SULT1A3: variants seen among roughly 807,000 people sequenced by gnomAD.
The protein encoded by SULT1A3 is sulfotransferase family 1A member 3.
For synonymous variants in SULT1A3, 4 were observed against 29.3 expected (o/e 0.14, Z 2.79); for missense variants, 11 against 62.7 (o/e 0.18, Z 2.78).
intron 4 of SULT1A3, among the ~76,000 whole-genome samples, chr16:30,201,625 G>T (rs1227477057): frequency 6.6e-6 from 1 of 152,036 alleles, no homozygotes; most frequent in Non-Finnish European, 1.5e-5. Context: ...CAGGAAGGGG[G>T]GCTCAGGTGC....
intron 4 of SULT1A3, chr16:30,201,995 CT>C (rs1204376251): frequency 0.026 from 1,517 of 57,740 alleles, no homozygotes; most frequent in South Asian, 0.083. Flanking sequence ...GCGCCTGGCC[CT>C]TTTTTTTTTT....
Position 30,200,739 on chromosome 16 carries a change from T to G in SULT1A3, c.11T>G (p.Ile4Ser). The G allele has an allele frequency of 7.5e-7, 1 of 1,339,266 alleles. No homozygotes were observed. The highest frequency in any genetic ancestry group is 2.7e-5 in the African/African-American group (1 of 36,890). 83.0% of individuals were successfully genotyped at this position (1,339,266 alleles called of 1,614,324 possible). A position where few individuals can be genotyped will look rare whatever the true frequency, so the allele number is the denominator to read the frequency against. Reference protein sequence around the residue: MELIQDTSRPPLEY... With the variant: MELSQDTSRPPLEY... ...CCCTGATGCAGGAACATGGAGCTGA[T>G]CCAGGACACCTCCCGCCCGCCACTG... The change falls in exon 2 of 8, where the codon ATC becomes AGC. Residue 4 changes from isoleucine (I) to serine (S), a missense_variant. Ile to Ser is a moderately radical substitution (Grantham distance 142, BLOSUM62 -2). Coordinates refer to ENST00000338971, the MANE Select transcript of SULT1A3 (RefSeq NM_177552.4).
At chr16:30,201,442 G>A (rs1410727911) in intron 4 of SULT1A3, 149 bp downstream of exon 4, 18 of 136,888 alleles carry the variant, frequency 1.3e-4, no homozygotes, top group Non-Finnish European at 2.3e-4. Context: ...TAACAACCTG[G>A]TATGGTGGCA....
At chr16:30,200,534 T>TGC (rs2073432982) in intron 1 of SULT1A3, 191 bp from the exon 2 acceptor site, 1 of 126,980 alleles carries the variant, frequency 7.9e-6, no homozygotes, top group Non-Finnish European at 1.3e-5. Context: ...CTACTTGGGA[T>TGC]GCCGAGGCGG....
intron 4 of SULT1A3, among the ~76,000 whole-genome samples, chr16:30,201,620 A>G (rs571332999): frequency 1.7e-3 from 255 of 150,956 alleles, no homozygotes; most frequent in African/African-American, 6.1e-3. Flanking sequence ...AAAGCCAGGA[A>G]GGGGGGCTCA....
intron 1 of SULT1A3, 43 bp from the exon 2 acceptor site, chr16:30,200,682 G>A (rs2073435271): frequency 7.2e-7 from 1 of 1,386,990 alleles, no homozygotes; most frequent in African/African-American, 2.0e-5. Context: ...TTGCTGTTGT[G>A]ATGGTGGTAA....
At position 30,200,847 on chromosome 16, in the gene SULT1A3, AC is replaced by A; in HGVS notation, c.121del (p.Leu41CysfsTer14). 1.3e-6 allele frequency: 1 copy of A among 762,842 alleles called. No homozygotes were observed. Among genetic ancestry groups the A allele is most frequent in the Non-Finnish European group, 1.8e-6 (1 of 566,222 alleles). The allele number at this position is 762,842 out of a possible 1,614,324, so 47.3% of individuals were successfully genotyped here. On this transcript the variant is annotated frameshift_variant, in exon 2 of 8. Coordinates refer to ENST00000338971, the MANE Select transcript of SULT1A3 (RefSeq NM_177552.4). LOFTEE classifies it high-confidence loss of function. ...PLQSFQARPD[D>X]LLINTYPKSG... is the part of the protein sequence containing the mutation. ...CAGAGCTTCCAAGCCCGACCTGATG[AC>A]CTGCTCATCAACACCTACCCCAAGT... is the stretch of plus-strand genomic sequence containing the variant.
Position 30,201,276 on chromosome 16 carries a change from T to C in SULT1A3, c.355T>C (p.Leu119=). The part of the protein sequence containing the change: ...LPLALLPQTL[L]DQKVKVVYVA... ...CCTGGCTCTGCTCCCTCAGACTCTG[T>C]TGGATCAGAAGGTCAAGGTGAGGCC... Residue 119 remains leucine, a synonymous_variant, in exon 4 of 8, where the codon TTG becomes CTG. Transcript: ENST00000338971. 2 of 418,172 alleles carry C rather than the reference T, an allele frequency of 4.8e-6. No individual in the cohort carries two copies. Among genetic ancestry groups the C allele is most frequent in the Non-Finnish European group, 8.3e-6 (2 of 239,998 alleles). The allele number at this position is 418,172 out of a possible 1,614,324, so 25.9% of individuals were successfully genotyped here.
intron 4 of SULT1A3, among the ~76,000 whole-genome samples, chr16:30,201,629 CA>C: frequency 6.6e-6 from 1 of 151,998 alleles, no homozygotes; most frequent in Non-Finnish European, 1.5e-5. Context: ...AAGGGGGGCT[CA>C]GGTGCCCTCT....
chr16:30,201,946 C>T (rs1243670867), intron 4 of SULT1A3: 1 of 94,470 alleles, frequency 1.1e-5, no homozygotes, highest in African/African-American at 3.6e-5. Context: ...CCTCCTGCCT[C>T]GACCTCACAA....
At chr16:30,200,609 A>C in intron 1 of SULT1A3, 116 bp from the exon 2 acceptor site, 2 of 1,364,842 alleles carry the variant, frequency 1.5e-6, no homozygotes, top group African/African-American at 2.1e-5. Context: ...ACTGCACTCC[A>C]GCTTGGGTGA....
In SULT1A3 at chr16:30,203,530, T is replaced by C; in HGVS notation, c.620T>C (p.Ile207Thr). ...KENPKREIQK[I>T]LEFVGRSLPE... ...AACCCCAAAAGGGAGATTCAAAAGA[T>C]CCTGGAGTTTGTGGGGCGCTCCCTG... Residue 207 changes from isoleucine (I) to threonine (T), a missense_variant, in exon 7 of 8, where the codon ATC becomes ACC. Coordinates refer to ENST00000338971, the MANE Select transcript of SULT1A3 (RefSeq NM_177552.4). 5.5e-5 allele frequency: 1 copy of C among 18,274 alleles called. No individual in the cohort carries two copies. The highest frequency in any genetic ancestry group is 1.1e-4 in the Non-Finnish European group (1 of 8,940). The allele number at this position is 18,274 out of a possible 1,614,324, so 1.1% of individuals were successfully genotyped here. A position where few individuals can be genotyped will look rare whatever the true frequency, so the allele number is the denominator to read the frequency against.
rs2073451404 is a variant in SULT1A3, at chr16:30,203,905, C to A, written c.873C>A (p.Phe291Leu). ...AGATGGCAGGCTGCAGCCTCAGCTT[C>A]CGCTCTGAGCTGTGAGAGGGGCTCC... ...AEKMAGCSLSFRSEL is the reference protein window; with the variant it reads ...AEKMAGCSLSLRSEL The change falls in exon 8 of 8, where the codon TTC becomes TTA. Residue 291 changes from phenylalanine to leucine, a missense_variant. Phe to Leu is a conservative substitution (Grantham distance 22). Coordinates refer to ENST00000338971, the MANE Select transcript of SULT1A3 (RefSeq NM_177552.4). 1 of 295,028 alleles carries A rather than the reference C, an allele frequency of 3.4e-6. No individual in the cohort carries two copies. The highest frequency in any genetic ancestry group is 6.2e-6 in the Non-Finnish European group (1 of 162,356). 18.3% of individuals were successfully genotyped at this position (295,028 alleles called of 1,614,324 possible). A position where few individuals can be genotyped will look rare whatever the true frequency, so the allele number is the denominator to read the frequency against.
chr16:30,201,629 C>T (rs1299642424), intron 4 of SULT1A3, among the ~76,000 whole-genome samples: 4 of 151,998 alleles, frequency 2.6e-5, no homozygotes, highest in Admixed American at 6.5e-5. Flanking sequence ...AAGGGGGGCT[C>T]AGGTGCCCTC....
intron 2 of SULT1A3, 36 bp downstream of exon 2, chr16:30,200,912 G>T (rs1228185915): frequency 4.5e-6 from 2 of 445,722 alleles, no homozygotes; most frequent in Non-Finnish European, 3.5e-6. Flanking sequence ...CTCCCAGGCG[G>T]CAGTCCCCAC....
chr16:30,201,506 T>C (rs1284382957), intron 4 of SULT1A3, among the ~76,000 whole-genome samples: 1 of 150,136 alleles, frequency 6.7e-6, no homozygotes, highest in Non-Finnish European at 1.5e-5. Flanking sequence ...TTTATGCAAA[T>C]AGGAAGCTGC....
At chr16:30,201,522 G>C (rs1326659559) in intron 4 of SULT1A3, among the ~76,000 whole-genome samples, 1 of 151,234 alleles carries the variant, frequency 6.6e-6, no homozygotes, top group African/African-American at 2.4e-5. Flanking sequence ...GCTGCAATGA[G>C]CCCTGATGAT....
intron 2 of SULT1A3, 27 bp from the exon 3 acceptor site, chr16:30,200,953 CT>C: frequency 2.8e-6 from 1 of 363,456 alleles, no homozygotes; most frequent in South Asian, 2.5e-5. Flanking sequence ...CCTCAGCCTG[CT>C]CACCTCCTAT....
intron 1 of SULT1A3, among the ~76,000 whole-genome samples, chr16:30,200,225 C>A (rs1486360418): frequency 5.3e-4 from 1 of 1,878 alleles, no homozygotes; most frequent in African/African-American, 6.3e-3. Context: ...CTGAAAGGTG[C>A]GGCCAGGCTG....
Sources: gnomAD v4.1 joint callset for allele counts (sites outside exome capture counted in the v4.1 genomes callset) on GRCh38, gnomAD v4.1.1 for gene constraint, MANE v1.5 for transcripts, NCBI Gene and HGNC (gene_info 2026-07-23, HGNC 2026-07-21) for gene names.